GATAD2B: variants seen among roughly 807,000 people sequenced by gnomAD.
GATAD2B encodes transcriptional repressor p66-beta.
A neutral mutation model predicts 64.3 loss-of-function variants in GATAD2B; 8 were observed. The observed-to-expected ratio is 0.12, with a 90% CI of 0.07 to 0.22. The LOEUF is 0.22. Among genes scored for constraint, GATAD2B ranks in the 10% least tolerant of loss-of-function variants. The probability of loss-of-function intolerance (pLI) is 1.00; values close to 1 mark genes in which losing one functional copy is unlikely to be tolerated. For missense variants in GATAD2B, 453 were observed against 752.0 expected, an observed-to-expected ratio of 0.60 and a Z score of 4.65; for synonymous variants, 281 against 271.3, an observed-to-expected ratio of 1.04 and a Z score of -0.35.
At chr1:153,865,785 G>C (rs1557812283) in intron 1 of GATAD2B, among the ~76,000 whole-genome samples, 1 of 152,204 alleles carries the variant, frequency 6.6e-6, no homozygotes. Context: ...AGAAACAAGA[G>C]CTGAGAGGTG....
chr1:153,833,455 T>G (rs1297674338), intron 1 of GATAD2B, among the ~76,000 whole-genome samples: 1 of 152,218 alleles, frequency 6.6e-6, no homozygotes, highest in East Asian at 1.9e-4. Context: ...GTTGTTTTCA[T>G]GTGGCTAACA....
At chr1:153,865,496 T>C (rs369930794) in intron 1 of GATAD2B, among the ~76,000 whole-genome samples, 2 of 152,216 alleles carry the variant, frequency 1.3e-5, no homozygotes, top group East Asian at 1.9e-4. Context: ...CTACATCTAA[T>C]TCTAATGACC....
In GATAD2B at chr1:153,818,161, A is replaced by G; in HGVS notation, c.608T>C (p.Val203Ala). 7 of 1,603,886 alleles carry G rather than the reference A, an allele frequency of 4.4e-6. No individual in the cohort carries two copies. Among genetic ancestry groups the G allele is most frequent in the Non-Finnish European group, 6.0e-6 (7 of 1,175,884 alleles). The stretch of plus-strand genomic sequence containing the variant: ...CTGAACAATAGATGCTGCATTCTGT[A>G]CAACTGGAGTCTGGGAGAGGGAAGA... ...KENVVQKTPV[V>A]QNAASIVQPS... is the part of the protein sequence containing the mutation. Residue 203 changes from valine to alanine, a missense_variant, in exon 5 of 11, where the codon GTA becomes GCA. Physicochemically the swap from Val to Ala is moderately conservative, Grantham distance 64. Coordinates refer to ENST00000368655, the MANE Select transcript of GATAD2B (RefSeq NM_020699.4).
intron 1 of GATAD2B, among the ~76,000 whole-genome samples, chr1:153,919,362 C>T (rs1465602357): frequency 6.6e-6 from 1 of 152,200 alleles, no homozygotes; most frequent in Admixed American, 6.5e-5. Context: ...GGGACACTCC[C>T]TTCTTACTGG....
chr1:153,889,718 A>C (rs1570991783), intron 1 of GATAD2B: 1 of 594,722 alleles, frequency 1.7e-6, no homozygotes, highest in African/African-American at 2.0e-5. Context: ...TTTCAACATT[A>C]AAATTAACTG....
chr1:153,892,491 T>C (rs1001515079), intron 1 of GATAD2B, among the ~76,000 whole-genome samples: 1 of 152,118 alleles, frequency 6.6e-6, no homozygotes, highest in African/African-American at 2.4e-5. Flanking sequence ...CTCTCTAGAC[T>C]GTAGAGGGAT....
chr1:153,852,717 G>T (rs138776364), intron 1 of GATAD2B: 3 of 932,122 alleles, frequency 3.2e-6, no homozygotes. Flanking sequence ...CTGCTCATAC[G>T]AAGTGAAGCT....
chr1:153,883,867 A>C (rs897908741), intron 1 of GATAD2B, among the ~76,000 whole-genome samples: 2 of 152,254 alleles, frequency 1.3e-5, no homozygotes, highest in African/African-American at 4.8e-5. Context: ...TGGATTGATT[A>C]GTAGTCCAGA....
At chr1:153,853,434 T>G in intron 1 of GATAD2B, 1 of 621,556 alleles carries the variant, frequency 1.6e-6, no homozygotes, top group South Asian at 1.9e-5. Flanking sequence ...GAGAAATAAA[T>G]CAACGGACGG....
chr1:153,898,143 A>G (rs571749503), intron 1 of GATAD2B, among the ~76,000 whole-genome samples: 1 of 151,868 alleles, frequency 6.6e-6, no homozygotes, highest in East Asian at 1.9e-4. Context: ...ATCTCTACAA[A>G]AAGTACAAAA....
At chr1:153,860,661 A>C (rs1676249850) in intron 1 of GATAD2B, among the ~76,000 whole-genome samples, 1 of 151,284 alleles carries the variant, frequency 6.6e-6, no homozygotes, top group Admixed American at 6.6e-5. Flanking sequence ...TTATCTACTT[A>C]AAAAAAATTA....
At chr1:153,863,246 C>T (rs191508711) in intron 1 of GATAD2B, among the ~76,000 whole-genome samples, 109 of 152,030 alleles carry the variant, frequency 7.2e-4, no homozygotes, top group African/African-American at 2.4e-3. Context: ...TTTGGGGGGC[C>T]GAGGCGGGTG....
rs1346492176 is a variant in GATAD2B at position 153,816,116 on chromosome 1, G to GTTGC, written c.1216+153_1216+156dup. ...CACACACACACTCCGCTTCTAACATGTTGCTCCCAAACAGCTGTAAAGAAG... is the reference window on the plus strand; with the variant it reads ...CACACACACACTCCGCTTCTAACATGTTGCTTGCTCCCAAACAGCTGTAAAGAAG... On this transcript the variant is annotated intron_variant, in intron 7 of 10. Coordinates refer to ENST00000368655, the MANE Select transcript of GATAD2B (RefSeq NM_020699.4). This position sits in a 1 kb window ranked among gnomAD's most constrained non-coding sequence, Gnocchi z 4.9. 2.1e-5 allele frequency among the ~76,000 whole-genome samples: 3 copies of GTTGC among 142,032 alleles called. No homozygotes were observed. Among genetic ancestry groups the GTTGC allele is most frequent in the Non-Finnish European group, 3.1e-5 (2 of 65,098 alleles). 93.2% of individuals were successfully genotyped at this position (142,032 alleles called of 152,430 possible).
intron 1 of GATAD2B, among the ~76,000 whole-genome samples, chr1:153,877,947 CAAT>C (rs1676887318): frequency 6.7e-6 from 1 of 148,984 alleles, no homozygotes; most frequent in Non-Finnish European, 1.5e-5. Context: ...CCCACAACAA[CAAT>C]GAATGAATCT....
intron 1 of GATAD2B, among the ~76,000 whole-genome samples, chr1:153,908,278 G>C (rs1230994689): frequency 6.6e-6 from 1 of 152,118 alleles, no homozygotes; most frequent in Non-Finnish European, 1.5e-5. Flanking sequence ...AGGACTGCTT[G>C]AGCCTAGGAG....
Position 153,818,911 on chromosome 1 carries a change from A to G in GATAD2B, c.477T>C (p.Ile159=). 1 of 1,610,794 alleles carries G rather than the reference A, an allele frequency of 6.2e-7. No individual in the cohort carries two copies. The part of the protein sequence containing the change: ...ANLEMFKGKG[I]EERQQLIKQL... ...GCTTGATAAGCTGCTGCCGCTCCTC[A>G]ATGCCTTTCCCCTAAGGAAACAAGA... Residue 159 remains isoleucine (I), a synonymous_variant, in exon 4 of 11, where the codon ATT becomes ATC. Transcript: ENST00000368655.
intron 1 of GATAD2B, among the ~76,000 whole-genome samples, chr1:153,902,939 C>T (rs551169258): frequency 6.6e-6 from 1 of 152,130 alleles, no homozygotes; most frequent in Non-Finnish European, 1.5e-5. Context: ...TGGTTACAGC[C>T]GGCCGCGGTG....
chr1:153,892,182 A>AAAAG (rs1557825563), intron 1 of GATAD2B, among the ~76,000 whole-genome samples: 6 of 151,030 alleles, frequency 4.0e-5, no homozygotes, highest in Admixed American at 6.6e-5. Flanking sequence ...AAAAAAAAAA[A>AAAAG]AAAGAAAAGA....
chr1:153,844,678 C>A (rs1163960729), intron 1 of GATAD2B, among the ~76,000 whole-genome samples: 1 of 143,876 alleles, frequency 7.0e-6, no homozygotes, highest in African/African-American at 2.6e-5. Flanking sequence ...AACCAAACAC[C>A]GTATATTCTC....
Sources: allele counts gnomAD v4.1 joint callset (sites outside exome capture counted in the v4.1 genomes callset), GRCh38; gene constraint gnomAD v4.1.1; non-coding constraint Gnocchi (gnomAD v3.1); transcripts MANE v1.5; gene names NCBI Gene and HGNC (gene_info 2026-07-23, HGNC 2026-07-21).